The following PCM1 variants were observed in gnomAD, a reference collection of about 807,000 sequenced individuals.
The protein encoded by PCM1 is pericentriolar material 1.
PCM1 carries 157 observed loss-of-function variants against 241.9 expected under a neutral mutation model. The observed-to-expected ratio is 0.65, with a 90% confidence interval of 0.57 to 0.74. PCM1 has a LOEUF of 0.74. Among genes scored for constraint, PCM1 ranks in the 30% least tolerant of loss-of-function variants. The probability of loss-of-function intolerance (pLI) is 0.00; values close to 1 mark genes in which losing one functional copy is unlikely to be tolerated. For missense variants in PCM1, 3,478 were observed against 2,360.1 expected, an observed-to-expected ratio of 1.47 and a Z score of -9.81; for synonymous variants, 1,085 against 784.9, an observed-to-expected ratio of 1.38 and a Z score of -6.39.
At chr8:17,994,852 G>A (rs1437342955) in intron 29 of PCM1, among the ~76,000 whole-genome samples, 1 of 151,444 alleles carries the variant, frequency 6.6e-6, no homozygotes, top group Non-Finnish European at 1.5e-5. Context: ...TGTGTCTTCA[G>A]ATCTTCTGCA....
intron 2 of PCM1, chr8:17,926,753 G>C (rs571386923): frequency 6.6e-6 from 1 of 152,312 alleles, no homozygotes; most frequent in Non-Finnish European, 1.5e-5. Context: ...TTTAGGGAGA[G>C]AGAAACGATC....
intron 4 of PCM1, 102 bp from the exon 5 acceptor site, chr8:17,938,638 T>G: frequency 1.3e-6 from 1 of 778,518 alleles, no homozygotes. Context: ...GTGTGCACCT[T>G]CTGAATCAAT....
rs950390402 is a variant in PCM1 at position 17,993,544 on chromosome 8, A to C, written c.4752A>C (p.Pro1584=). 1 of 1,595,824 alleles carries C rather than the reference A, an allele frequency of 6.3e-7. No homozygotes were observed. The highest frequency in any genetic ancestry group is 8.5e-7 in the Non-Finnish European group (1 of 1,170,158). ...CTGTAAGTGAAGTTTCTACCATCCC[A>C]TGTCCTAGAATTGATACTCAGCAGC... The part of the protein sequence containing the change: ...QQPVSEVSTI[P]CPRIDTQQLD... Residue 1584 remains proline, a synonymous_variant, in exon 29 of 39, where the codon CCA becomes CCC. Coordinates refer to ENST00000325083, the MANE Select transcript of PCM1 (RefSeq NM_006197.4).
rs770521901 is a variant in PCM1, at chr8:17,964,710, G to A, written c.2797G>A (p.Val933Met). ...QDASSNDNFS[V>M]CPSNSVNHNS... is the part of the protein sequence containing the mutation. The stretch of plus-strand genomic sequence containing the variant: ...TGCCAGTTCCAATGATAACTTTTCT[G>A]TGTGTCCTTCTAACAGTGTGAATCA... Residue 933 changes from valine to methionine, a missense_variant, in exon 18 of 39, where the codon GTG (valine) becomes ATG (methionine). Coordinates refer to ENST00000325083, the MANE Select transcript of PCM1 (RefSeq NM_006197.4). 16 of 1,613,788 alleles carry A rather than the reference G, an allele frequency of 9.9e-6. No homozygotes were observed. Among genetic ancestry groups the A allele is most frequent in the South Asian group, 2.2e-5 (2 of 91,088 alleles).
Position 18,011,277 on chromosome 8 carries a change from C to A in PCM1, c.5261C>A (p.Ser1754Tyr), listed in dbSNP as rs772980386. The A allele has an allele frequency of 1.2e-6, 2 of 1,606,660 alleles. No individual in the cohort carries two copies. The highest frequency in any genetic ancestry group is 1.7e-5 in the Admixed American group (1 of 58,866). Reference protein sequence around the residue: ...ETETVKQTQTSEVYDGPKNVR... With the variant: ...ETETVKQTQTYEVYDGPKNVR... ...GAAACAGTTAAGCAGACTCAAACATCTGAGGTGTATGATGGTCCCAAAAAT... is the reference window on the plus strand; with the variant it reads ...GAAACAGTTAAGCAGACTCAAACATATGAGGTGTATGATGGTCCCAAAAAT... Residue 1754 changes from serine to tyrosine, a missense_variant, in exon 33 of 39, where the codon TCT (serine) becomes TAT (tyrosine). Coordinates refer to ENST00000325083, the MANE Select transcript of PCM1 (RefSeq NM_006197.4).
intron 23 of PCM1, among the ~76,000 whole-genome samples, chr8:17,974,080 G>A (rs1456595099): frequency 3.9e-5 from 6 of 152,198 alleles, no homozygotes; most frequent in Admixed American, 2.0e-4. Context: ...TTGAACAGGA[G>A]TGAAAGAGGT....
chr8:18,028,947 T>A lies in PCM1; in HGVS notation c.*1285T>A, dbSNP rs1295027479. On this transcript the variant is annotated 3_prime_UTR_variant, in exon 39 of 39. Coordinates refer to ENST00000325083, the MANE Select transcript of PCM1 (RefSeq NM_006197.4). ...CGGGCAGATCACGAGGTCAAGAGATTGAGACCATCCTGCCCAACATGGGGG... is the reference window on the plus strand; with the variant it reads ...CGGGCAGATCACGAGGTCAAGAGATAGAGACCATCCTGCCCAACATGGGGG... 5.6e-6 allele frequency: 1 copy of A among 179,466 alleles called. No individual in the cohort carries two copies. The highest frequency in any genetic ancestry group is 1.2e-5 in the Non-Finnish European group (1 of 83,876). 11.1% of individuals were successfully genotyped at this position (179,466 alleles called of 1,614,324 possible). A position where few individuals can be genotyped will look rare whatever the true frequency, so the allele number is the denominator to read the frequency against.
At chr8:17,973,789 T>C (rs922443701) in intron 23 of PCM1, among the ~76,000 whole-genome samples, 5 of 151,980 alleles carry the variant, frequency 3.3e-5, no homozygotes, top group Non-Finnish European at 7.4e-5. Flanking sequence ...TTGAAATGCA[T>C]TGCACACTGC....
rs1217221046 is a variant in PCM1 at position 18,011,282 on chromosome 8, G to C, written c.5266G>C (p.Val1756Leu). The change falls in exon 33 of 39, where the codon GTG (valine) becomes CTG (leucine). Residue 1756 changes from valine (V) to leucine (L), a missense_variant. Transcript: ENST00000325083. ...ETVKQTQTSE[V>L]YDGPKNVRSD... ...AGTTAAGCAGACTCAAACATCTGAG[G>C]TGTATGATGGTCCCAAAAATGTAAG... 1 of 1,606,366 alleles carries C rather than the reference G, an allele frequency of 6.2e-7. No individual in the cohort carries two copies. Among genetic ancestry groups the C allele is most frequent in the Non-Finnish European group, 8.5e-7 (1 of 1,176,090 alleles).
chr8:17,947,650 A>G (rs1428091003), intron 7 of PCM1, among the ~76,000 whole-genome samples: 1 of 152,212 alleles, frequency 6.6e-6, no homozygotes, highest in African/African-American at 2.4e-5. Context: ...TTTGTACCTC[A>G]GACTGATAAG....
intron 2 of PCM1, among the ~76,000 whole-genome samples, chr8:17,931,682 A>C (rs1296459905): frequency 6.6e-6 from 1 of 152,130 alleles, no homozygotes; most frequent in Admixed American, 6.6e-5. Flanking sequence ...TTCCCTTCCA[A>C]TTTACGTTTC....
In PCM1 at chr8:18,028,911, G is replaced by C. The variant is rs1264658904; in HGVS notation, c.*1249G>C. The C allele has an allele frequency of 1.1e-5, 2 of 181,482 alleles. No individual in the cohort carries two copies. Among genetic ancestry groups the C allele is most frequent in the Non-Finnish European group, 2.4e-5 (2 of 85,054 alleles). The allele number at this position is 181,482 out of a possible 1,614,324, so 11.2% of individuals were successfully genotyped here. A position where few individuals can be genotyped will look rare whatever the true frequency, so the allele number is the denominator to read the frequency against. On this transcript the variant is annotated 3_prime_UTR_variant, in exon 39 of 39. Coordinates refer to ENST00000325083, the MANE Select transcript of PCM1 (RefSeq NM_006197.4). ...TCACTCCTGTAATCCCAGCACCTTG[G>C]GAGGCCGAGGCGGGCAGATCACGAG... is the stretch of plus-strand genomic sequence containing the variant.
At chr8:17,981,949 T>C (rs2129475720) in intron 24 of PCM1, among the ~76,000 whole-genome samples, 1 of 151,962 alleles carries the variant, frequency 6.6e-6, no homozygotes, top group East Asian at 1.9e-4. Flanking sequence ...CTCAACAGTA[T>C]GGTTTCAACT....
At chr8:17,980,785 AAGG>A (rs761783657) in intron 24 of PCM1, 30 bp downstream of exon 24, 3 of 1,537,216 alleles carry the variant, frequency 2.0e-6, no homozygotes, top group East Asian at 2.3e-5. Flanking sequence ...GCATTAATAT[AAGG>A]AGGTTTTCAG....
At position 18,006,337 on chromosome 8, in the gene PCM1, A is replaced by G. The variant is rs749279474; in HGVS notation, c.4902A>G (p.Gln1634=). Residue 1634 remains glutamine, a synonymous_variant, in exon 30 of 39, where the codon CAA becomes CAG. Transcript: ENST00000325083. ...VRRMVLTLTQ[Q]NDESKEFVKF... ...GCATGGTTTTGACCCTTACCCAGCAAAATGATGAGAGCAAAGAGTTTGTAA... is the reference window on the plus strand; with the variant it reads ...GCATGGTTTTGACCCTTACCCAGCAGAATGATGAGAGCAAAGAGTTTGTAA... 6 of 1,613,240 alleles carry G rather than the reference A, an allele frequency of 3.7e-6. No individual in the cohort carries two copies. Among genetic ancestry groups the G allele is most frequent in the Non-Finnish European group, 5.1e-6 (6 of 1,179,338 alleles).
intron 6 of PCM1, among the ~76,000 whole-genome samples, chr8:17,943,180 A>AT (rs5889755): frequency 0.45 from 59,461 of 131,636 alleles, 14,816 homozygotes; most frequent in Non-Finnish European, 0.59. Context: ...GGTTTGTTGT[A>AT]TTTTTTTTTT....
At chr8:17,924,185 C>T (rs2055894404) in intron 1 of PCM1, among the ~76,000 whole-genome samples, 1 of 152,128 alleles carries the variant, frequency 6.6e-6, no homozygotes, top group Non-Finnish European at 1.5e-5. Flanking sequence ...GCCTCGGGTG[C>T]ACCTGCTCCT....
intron 1 of PCM1, among the ~76,000 whole-genome samples, chr8:17,923,668 A>G (rs2055539206): frequency 1.3e-5 from 2 of 151,682 alleles, no homozygotes; most frequent in African/African-American, 4.8e-5. Context: ...AGGGCGGATG[A>G]GGAGCGACGC....
chr8:17,928,123 T>A (rs1366109390), intron 2 of PCM1, among the ~76,000 whole-genome samples: 1 of 152,220 alleles, frequency 6.6e-6, no homozygotes, highest in Non-Finnish European at 1.5e-5. Flanking sequence ...CCAATTGTTT[T>A]CCTACAGTTT....
Sources: gnomAD v4.1 joint callset for allele counts (sites outside exome capture counted in the v4.1 genomes callset) on GRCh38, gnomAD v4.1.1 for gene constraint, MANE v1.5 for transcripts, NCBI Gene and HGNC (gene_info 2026-07-23, HGNC 2026-07-21) for gene names.